The following SLC1A7 variants were observed in gnomAD, a reference collection of about 807,000 sequenced individuals.
SLC1A7 encodes the protein excitatory amino acid transporter 5.
Under a neutral mutation model 47.7 loss-of-function variants are expected in SLC1A7, and 40 were observed. That is an observed-to-expected ratio of 0.84 (90% CI 0.65 to 1.09). SLC1A7 has a LOEUF of 1.09. Among genes scored for constraint, SLC1A7 ranks in the 50% least tolerant of loss-of-function variants. The pLI is 0.00. For synonymous variants in SLC1A7, 323 were observed against 325.6 expected (o/e 0.99, Z 0.09); for missense variants, 746 against 769.5 (o/e 0.97, Z 0.36).
rs995336074 is a variant in SLC1A7, at chr1:53,136,355, G to A, written c.136-1926C>T. On this transcript the variant is annotated intron_variant, in intron 1 of 10. Transcript: ENST00000371494. ...ACTACAGGTGCGCGCCACTATGCCC[G>A]GCTAAATTTGTGTATTTTAGTAGAG... 1.8e-4 allele frequency among the ~76,000 whole-genome samples: 26 copies of A among 147,342 alleles called. No homozygotes were observed. The East Asian group carries it at 2.4e-3, about 13-fold the overall frequency.
At chr1:53,129,562 CT>C (rs1266821746) in intron 2 of SLC1A7, among the ~76,000 whole-genome samples, 1,077 of 136,890 alleles carry the variant, frequency 7.9e-3, no homozygotes, top group Middle Eastern at 0.021. Context: ...TGGAGAAATT[CT>C]AGAAAAAAAA....
chr1:53,128,872 A>G lies in SLC1A7; in HGVS notation c.215+5478T>C, dbSNP rs540549104. On this transcript the variant is annotated intron_variant, in intron 2 of 10. Transcript: ENST00000371494. ...ATCTGAGGAGCCTGGTGATGCTTTA[A>G]TAAGTTAGAAAAACATGGGACATCT... Among the ~76,000 whole-genome samples the G allele has an allele frequency of 6.7e-4, 95 of 142,316 alleles. 17 individuals carry two copies. The highest frequency in any genetic ancestry group is 2.5e-3 in the African/African-American group (95 of 38,494). The allele number at this position is 142,316 out of a possible 152,430, so 93.4% of individuals were successfully genotyped here. A position where few individuals can be genotyped will look rare whatever the true frequency, so the allele number is the denominator to read the frequency against.
intron 1 of SLC1A7, among the ~76,000 whole-genome samples, chr1:53,139,602 C>T (rs1003604546): frequency 2.6e-5 from 4 of 152,248 alleles, no homozygotes; most frequent in Non-Finnish European, 5.9e-5. Flanking sequence ...CCCAGCCTCA[C>T]CCTGCCTAGT....
At position 53,087,266 on chromosome 1, in the gene SLC1A7, C is replaced by T. The variant is rs1644370581; in HGVS notation, c.*743G>A. 1 of 152,280 alleles carries T rather than the reference C, an allele frequency of 6.6e-6. No homozygotes were observed. Among genetic ancestry groups the T allele is most frequent in the Non-Finnish European group, 1.5e-5 (1 of 68,056 alleles). 9.4% of individuals were successfully genotyped at this position (152,280 alleles called of 1,614,324 possible). A position where few individuals can be genotyped will look rare whatever the true frequency, so the allele number is the denominator to read the frequency against. ...GAAAACCTGACTCCACTTGGACGCA[C>T]AGGCCTTTGGGGAGTTCTGACACCA... On this transcript the variant is annotated 3_prime_UTR_variant, in exon 11 of 11. Transcript: ENST00000371494.
At chr1:53,129,728 C>A (rs968545197) in intron 2 of SLC1A7, among the ~76,000 whole-genome samples, 1 of 141,476 alleles carries the variant, frequency 7.1e-6, no homozygotes, top group Non-Finnish European at 1.6e-5. Context: ...TCAGCCCTCA[C>A]GTCCACCCTT....
intron 1 of SLC1A7, among the ~76,000 whole-genome samples, chr1:53,140,911 G>C (rs1423978248): frequency 6.6e-6 from 1 of 152,174 alleles, no homozygotes; most frequent in South Asian, 2.1e-4. Context: ...TCGTGGCTCA[G>C]TTCTCCAGGA....
At chr1:53,133,929 C>T (rs1038341259) in intron 2 of SLC1A7, among the ~76,000 whole-genome samples, 26 of 152,088 alleles carry the variant, frequency 1.7e-4, no homozygotes, top group South Asian at 8.3e-4. Flanking sequence ...GAAACTGAGG[C>T]GTAGAGAGGT....
rs527517279 is a variant in SLC1A7 at position 53,103,564 on chromosome 1, C to A, written c.479G>T (p.Arg160Leu). The A allele has an allele frequency of 5.7e-6, 9 of 1,586,078 alleles. No homozygotes were observed. Among genetic ancestry groups the A allele is most frequent in the South Asian group, 1.2e-5 (1 of 86,616 alleles). The change falls in exon 5 of 11, where the codon CGC becomes CTC. Residue 160 changes from arginine (R) to leucine (L), a missense_variant. Arg to Leu is a moderately radical substitution (Grantham distance 102, BLOSUM62 -2). Transcript: ENST00000371494. ...NLVEATFKQY[R>L]TKTTPVVKSP... The stretch of plus-strand genomic sequence containing the variant: ...CTTGACAACTGGGGTGGTCTTGGTG[C>A]GGTACTGGTGGGTGACACCCCACCC...
intron 1 of SLC1A7, among the ~76,000 whole-genome samples, chr1:53,137,218 C>G (rs958413384): frequency 1.4e-5 from 2 of 145,186 alleles, no homozygotes; most frequent in African/African-American, 5.1e-5. Flanking sequence ...ACCCAGGAGG[C>G]GGGGATTGCA....
chr1:53,092,428 G>A (rs549451241), intron 7 of SLC1A7, 126 bp downstream of exon 7: 5 of 715,234 alleles, frequency 7.0e-6, no homozygotes, highest in Middle Eastern at 3.8e-4. Context: ...AGCCGTCCCC[G>A]CATTTGTGAG....
rs138141030 is a variant in SLC1A7 at position 53,088,969 on chromosome 1, G to A, written c.1372C>T (p.Arg458Cys). The change falls in exon 10 of 11, where the codon CGC becomes TGC. Residue 458 changes from arginine to cysteine, a missense_variant. Physicochemically the swap from Arg to Cys is radical, Grantham distance 180 (BLOSUM62 -3). Transcript: ENST00000371494. ...TCACCCAGCACGTTAATCATGGTGC[G>A]GAAACGGTCCCTGGTGAGCCAAGGT... ...IAVDWALDRFRTMINVLGDAL... is the reference protein window; with the variant it reads ...IAVDWALDRFCTMINVLGDAL... 8.7e-6 allele frequency: 14 copies of A among 1,613,924 alleles called. No homozygotes were observed. The highest frequency in any genetic ancestry group is 2.2e-5 in the East Asian group (1 of 44,860).
intron 1 of SLC1A7, among the ~76,000 whole-genome samples, chr1:53,136,172 A>AAT (rs1644991583): frequency 6.8e-6 from 1 of 146,720 alleles, no homozygotes; most frequent in Non-Finnish European, 1.5e-5. Flanking sequence ...TATATAAAAT[A>AAT]ATATATATAA....
chr1:53,101,749 C>CAT (rs1557673981), intron 5 of SLC1A7, among the ~76,000 whole-genome samples: 2 of 146,638 alleles, frequency 1.4e-5, no homozygotes, highest in Non-Finnish European at 3.0e-5. Flanking sequence ...ATACACCCTG[C>CAT]CTCAGTACAC....
chr1:53,092,111 C>T (rs1267696120), intron 7 of SLC1A7, among the ~76,000 whole-genome samples: 1 of 152,222 alleles, frequency 6.6e-6, no homozygotes, highest in East Asian at 1.9e-4. Context: ...GGCTCAAGTC[C>T]CTGAGGTCTA....
intron 1 of SLC1A7, among the ~76,000 whole-genome samples, chr1:53,141,522 G>A (rs12738846): frequency 0.27 from 41,327 of 151,736 alleles, 5,811 homozygotes; most frequent in Middle Eastern, 0.46. Context: ...TGTAGGAGAT[G>A]GGGGCTGACA....
chr1:53,129,048 G>A lies in SLC1A7; in HGVS notation c.215+5302C>T, dbSNP rs1269985872. Among the ~76,000 whole-genome samples the A allele has an allele frequency of 3.6e-5, 5 of 139,800 alleles. 1 individual carries two copies. The highest frequency in any genetic ancestry group is 2.1e-4 in the East Asian group (1 of 4,696). 91.7% of individuals were successfully genotyped at this position (139,800 alleles called of 152,430 possible). ...TCAAAAATTTGCTGGTCATGGTGGC[G>A]GGTGCCTGTAATCCCAGCTACTTGG... is the stretch of plus-strand genomic sequence containing the variant. On this transcript the variant is annotated intron_variant, in intron 2 of 10. Transcript: ENST00000371494.
Position 53,087,303 on chromosome 1 carries a change from G to T in SLC1A7, c.*706C>A, listed in dbSNP as rs1644370985. 1 of 152,252 alleles carries T rather than the reference G, an allele frequency of 6.6e-6. No homozygotes were observed. Among genetic ancestry groups the T allele is most frequent in the African/African-American group, 2.4e-5 (1 of 41,448 alleles). 9.4% of individuals were successfully genotyped at this position (152,252 alleles called of 1,614,324 possible). ...GAGTTCTGACACCAGGGCCCCATCGGCAGCTCCACCAGAGCATCCTGGCTG... is the reference window on the plus strand; with the variant it reads ...GAGTTCTGACACCAGGGCCCCATCGTCAGCTCCACCAGAGCATCCTGGCTG... On this transcript the variant is annotated 3_prime_UTR_variant, in exon 11 of 11. Coordinates refer to ENST00000371494, the MANE Select transcript of SLC1A7 (RefSeq NM_006671.6).
chr1:53,089,803 G>T lies in SLC1A7; in HGVS notation c.1358C>A (p.Ala453Asp). 1 of 1,613,930 alleles carries T rather than the reference G, an allele frequency of 6.2e-7. No individual in the cohort carries two copies. The highest frequency in any genetic ancestry group is 1.1e-5 in the South Asian group (1 of 91,066). ...GCTAGAGGCAAAGTCCACTCACAGA[G>T]CCCAGTCAACGGCAATGATGAGGGT... ...DITLIIAVDW[A>D]LDRFRTMINV... The change falls in exon 9 of 11, where the codon GCT (alanine) becomes GAT (aspartate). Residue 453 changes from alanine to aspartate, a missense_variant. Physicochemically the swap from Ala to Asp is moderately radical, Grantham distance 126 (BLOSUM62 -2). Transcript: ENST00000371494.
intron 3 of SLC1A7, among the ~76,000 whole-genome samples, chr1:53,107,398 C>T (rs560709709): frequency 5.3e-5 from 8 of 152,188 alleles, no homozygotes; most frequent in East Asian, 1.9e-4. Flanking sequence ...AAACGAGATC[C>T]GTAACTTAGT....
Sources: gnomAD v4.1 joint callset for allele counts (sites outside exome capture counted in the v4.1 genomes callset) on GRCh38, gnomAD v4.1.1 for gene constraint, MANE v1.5 for transcripts, NCBI Gene and HGNC (gene_info 2026-07-23, HGNC 2026-07-21) for gene names.